Variants in RNF152 observed in about 807,000 individuals in gnomAD.
The protein encoded by RNF152 is E3 ubiquitin-protein ligase RNF152.
In RNF152, 11 loss-of-function variants were observed where a neutral mutation model predicts 12.7. The ratio of observed to expected loss-of-function variants is 0.86; its 90% confidence interval spans 0.54 to 1.43. The LOEUF is 1.43. Ranked by LOEUF, RNF152 falls within the 40% of genes most tolerant of loss-of-function variation. The probability of loss-of-function intolerance (pLI) is 0.00; values close to 1 mark genes in which losing one functional copy is unlikely to be tolerated. For missense variants in RNF152, 255 were observed against 274.8 expected, an observed-to-expected ratio of 0.93 and a Z score of 0.51; for synonymous variants, 113 against 120.3, an observed-to-expected ratio of 0.94 and a Z score of 0.40.
intron 1 of RNF152, among the ~76,000 whole-genome samples, chr18:61,882,408 GGAACACAGT>G (rs1224749904): frequency 2.6e-5 from 4 of 152,216 alleles, no homozygotes; most frequent in Non-Finnish European, 5.9e-5. Flanking sequence ...TGGCTTGCCA[GGAACACAGT>G]GAACACAGTA....
At chr18:61,838,250 G>C (rs929446047) in intron 1 of RNF152, among the ~76,000 whole-genome samples, 2 of 152,092 alleles carry the variant, frequency 1.3e-5, no homozygotes, top group Non-Finnish European at 2.9e-5. Flanking sequence ...CACATACTAG[G>C]CATTCATATC....
chr18:61,830,446 G>A (rs1484574253), intron 1 of RNF152, among the ~76,000 whole-genome samples: 1 of 152,134 alleles, frequency 6.6e-6, no homozygotes, highest in African/African-American at 2.4e-5. Context: ...GAATTTGCCT[G>A]TTCCAGGTAC....
rs186250250 is a variant in RNF152, at chr18:61,836,969, T to C, written c.-135-20371A>G. On this transcript the variant is annotated intron_variant, in intron 1 of 1. Transcript: ENST00000312828. ...ATGTCTCAAAATATCAGCTCACAGATTGCTTACTAAATGATAAAGAGAGTT... is the reference window on the plus strand; with the variant it reads ...ATGTCTCAAAATATCAGCTCACAGACTGCTTACTAAATGATAAAGAGAGTT... Among the ~76,000 whole-genome samples the C allele has an allele frequency of 5.7e-4, 87 of 152,304 alleles. 1 individual carries two copies. Among genetic ancestry groups the C allele is most frequent in the African/African-American group, 1.9e-3 (80 of 41,568 alleles).
intron 1 of RNF152, among the ~76,000 whole-genome samples, chr18:61,837,079 G>A (rs1910221886): frequency 6.6e-6 from 1 of 152,168 alleles, no homozygotes; most frequent in African/African-American, 2.4e-5. Flanking sequence ...CCAAGGTGAT[G>A]CAATGGGAAG....
chr18:61,893,807 G>A (rs986553155), upstream of RNF152: 7 of 151,970 alleles, frequency 4.6e-5, no homozygotes, highest in African/African-American at 1.7e-4. Context: ...CCCTCGGACC[G>A]GAGCTCCAGG....
rs149431859 is a variant in RNF152 at position 61,838,706 on chromosome 18, C to T, written c.-135-22108G>A. On this transcript the variant is annotated intron_variant, in intron 1 of 1. Transcript: ENST00000312828. ...CTTTTATCAGGATGGCACTAGAGGG[C>T]CAACAAAGATTGATGCACCTCCCTC... 3.0e-4 allele frequency among the ~76,000 whole-genome samples: 45 copies of T among 152,250 alleles called. No individual in the cohort carries two copies. In the East Asian group the frequency reaches 8.3e-3, roughly 28 times the overall value.
At chr18:61,839,693 A>G (rs968919708) in intron 1 of RNF152, among the ~76,000 whole-genome samples, 2 of 152,054 alleles carry the variant, frequency 1.3e-5, no homozygotes, top group Non-Finnish European at 2.9e-5. Flanking sequence ...CGGGAGATCG[A>G]GATCATCCTG....
intron 1 of RNF152, among the ~76,000 whole-genome samples, chr18:61,841,240 G>A (rs1910441727): frequency 6.6e-6 from 1 of 152,088 alleles, no homozygotes; most frequent in African/African-American, 2.4e-5. Context: ...CACTACAAAG[G>A]CCTAAAATTC....
At chr18:61,833,242 G>T (rs1051480928) in intron 1 of RNF152, among the ~76,000 whole-genome samples, 2 of 152,264 alleles carry the variant, frequency 1.3e-5, no homozygotes, top group Admixed American at 1.3e-4. Flanking sequence ...GATGTAGGTC[G>T]CAAGAATCAG....
chr18:61,816,809 T>A (rs756912242), intron 1 of RNF152, among the ~76,000 whole-genome samples: 1 of 152,202 alleles, frequency 6.6e-6, no homozygotes, highest in Non-Finnish European at 1.5e-5. Flanking sequence ...AAATACTTAG[T>A]TCATTTCTAA....
chr18:61,838,074 G>A (rs948553094), intron 1 of RNF152, among the ~76,000 whole-genome samples: 2 of 152,176 alleles, frequency 1.3e-5, no homozygotes, highest in Admixed American at 6.5e-5. Flanking sequence ...CAAAGGTAGA[G>A]GTTCTTTCCC....
chr18:61,817,015 TC>T (rs1909137227), intron 1 of RNF152, among the ~76,000 whole-genome samples: 1 of 152,228 alleles, frequency 6.6e-6, no homozygotes, highest in Admixed American at 6.5e-5. Flanking sequence ...TGACCTTTTT[TC>T]CTGACTCTAC....
intron 1 of RNF152, among the ~76,000 whole-genome samples, chr18:61,822,532 T>G: frequency 6.6e-6 from 1 of 152,236 alleles, no homozygotes; most frequent in East Asian, 1.9e-4. Flanking sequence ...ATAGCAAAGA[T>G]CTCCAACATT....
At chr18:61,861,687 G>A (rs916819376) in intron 1 of RNF152, among the ~76,000 whole-genome samples, 5 of 152,180 alleles carry the variant, frequency 3.3e-5, no homozygotes, top group African/African-American at 9.7e-5. Context: ...TTCAAGACTC[G>A]GCATTTGGCG....
chr18:61,889,425 T>C (rs112866449), intron 1 of RNF152, among the ~76,000 whole-genome samples: 192 of 152,338 alleles, frequency 1.3e-3, no homozygotes, highest in African/African-American at 4.1e-3. Context: ...CAAAGATATA[T>C]GAGTGAACAG....
chr18:61,834,424 G>C (rs1464531489), intron 1 of RNF152, among the ~76,000 whole-genome samples: 1 of 152,172 alleles, frequency 6.6e-6, no homozygotes, highest in Non-Finnish European at 1.5e-5. Context: ...ATCATATTTT[G>C]TGTCCTTTTA....
At chr18:61,838,394 T>C (rs1239869463) in intron 1 of RNF152, among the ~76,000 whole-genome samples, 1 of 152,222 alleles carries the variant, frequency 6.6e-6, no homozygotes, top group Non-Finnish European at 1.5e-5. Flanking sequence ...AGATCAGCCC[T>C]GTAACCAGAG....
intron 1 of RNF152, among the ~76,000 whole-genome samples, chr18:61,857,982 G>A (rs1210572610): frequency 2.0e-5 from 3 of 152,182 alleles, no homozygotes; most frequent in East Asian, 1.9e-4. Flanking sequence ...TTAGCTTTAC[G>A]TTTGGGTCTC....
chr18:61,852,333 G>A (rs1911020672), intron 1 of RNF152, among the ~76,000 whole-genome samples: 1 of 152,180 alleles, frequency 6.6e-6, no homozygotes, highest in African/African-American at 2.4e-5. Flanking sequence ...TGGGCAACAA[G>A]AGGAGAAAAA....
Sources: gnomAD v4.1 joint callset for allele counts (sites outside exome capture counted in the v4.1 genomes callset) on GRCh38, gnomAD v4.1.1 for gene constraint, MANE v1.5 for transcripts, NCBI Gene and HGNC (gene_info 2026-07-23, HGNC 2026-07-21) for gene names.